Variants in AAK1 observed in about 807,000 individuals in gnomAD.
AAK1 encodes the protein AP2 associated kinase 1, also known as AP2-associated protein kinase 1.
Under a neutral mutation model 116.0 loss-of-function variants are expected in AAK1, and 37 were observed. The observed-to-expected ratio is 0.32, with a 90% CI of 0.25 to 0.42. The LOEUF (loss-of-function observed/expected upper bound fraction) is 0.42, where lower values mean the gene tolerates loss of function less well. Among genes scored for constraint, AAK1 ranks in the 10% least tolerant of loss-of-function variants. AAK1 has a pLI of 1.00. For missense variants in AAK1, 919 were observed against 1,170.6 expected (o/e 0.79, Z 3.14); for synonymous variants, 458 against 439.9 (o/e 1.04, Z -0.51).
At position 69,559,469 on chromosome 2, in the gene AAK1, T is replaced by C. The variant is rs1011720021; in HGVS notation, c.164-2491A>G. 5.3e-5 allele frequency among the ~76,000 whole-genome samples: 8 copies of C among 152,278 alleles called. No individual in the cohort carries two copies. The East Asian group carries it at 9.6e-4, about 18-fold the overall frequency. ...GATGTTCTCTTATAATTAATCAGAATTGAGGAAAATAGTAGTGTAAATTAC... is the reference window on the plus strand; with the variant it reads ...GATGTTCTCTTATAATTAATCAGAACTGAGGAAAATAGTAGTGTAAATTAC... On this transcript the variant is annotated intron_variant, in intron 2 of 21. Transcript: ENST00000409085.
At chr2:69,589,447 G>A (rs1672931784) in intron 2 of AAK1, among the ~76,000 whole-genome samples, 2 of 152,098 alleles carry the variant, frequency 1.3e-5, no homozygotes, top group South Asian at 4.2e-4. Context: ...AGTGGCTCAT[G>A]CCTGTAATCC....
At chr2:69,566,328 G>T (rs1164547142) in intron 2 of AAK1, among the ~76,000 whole-genome samples, 1 of 152,156 alleles carries the variant, frequency 6.6e-6, no homozygotes, top group East Asian at 1.9e-4. Context: ...GTGGGGGCTT[G>T]GGGTTTGTTT....
intron 2 of AAK1, among the ~76,000 whole-genome samples, chr2:69,605,786 C>T (rs1239140228): frequency 1.3e-5 from 2 of 152,190 alleles, no homozygotes; most frequent in Non-Finnish European, 1.5e-5. Context: ...TCTTTATAGT[C>T]ATCCTCCGCT....
chr2:69,623,277 C>T (rs948866185), intron 2 of AAK1, among the ~76,000 whole-genome samples: 4 of 152,150 alleles, frequency 2.6e-5, no homozygotes, highest in African/African-American at 4.8e-5. Context: ...CGAGGGTCCG[C>T]GGCTTCATTC....
In AAK1 at chr2:69,519,006, T is replaced by C; in HGVS notation, c.1445A>G (p.Gln482Arg). ...GTAAAACGTGCCTGCCGGCTGCTGC[T>C]GTGCTGGCGGTGGCTGTTGCTGCTG... is the stretch of plus-strand genomic sequence containing the variant. ...QQQQQQPPPA[Q>R]QQPAGTFYQQ... The change falls in exon 12 of 22, where the codon CAG becomes CGG. Residue 482 changes from glutamine (Q) to arginine (R), a missense_variant. Gln to Arg is a conservative substitution (Grantham distance 43). This residue lies in a region of AAK1 where 214 missense variants were observed against 210.6 expected (regional missense o/e 1.02). Coordinates refer to ENST00000409085, the MANE Select transcript of AAK1 (RefSeq NM_014911.5). 6.5e-7 allele frequency: 1 copy of C among 1,549,874 alleles called. No individual in the cohort carries two copies. Among genetic ancestry groups the C allele is most frequent in the Non-Finnish European group, 8.7e-7 (1 of 1,146,440 alleles).
In AAK1 at chr2:69,544,457, T is replaced by C. The variant is rs189493029; in HGVS notation, c.370A>G (p.Ile124Val). The change falls in exon 4 of 22, where the codon ATT (isoleucine) becomes GTT (valine). Residue 124 changes from isoleucine to valine, a missense_variant. Around this residue, in one of 4 missense-constraint regions of AAK1, gnomAD observed 317 missense variants for 490.4 expected, o/e 0.65. Transcript: ENST00000409085. ...ATACCTCTACAAAAGTCCATCAGAA[T>C]GAGCACTTCCCATACATCACCGCTA... The part of the protein sequence containing the change: ...VSSGDVWEVL[I>V]LMDFCRGGQV... The C allele has an allele frequency of 9.5e-5, 154 of 1,613,040 alleles. No individual in the cohort carries two copies. The highest frequency in any genetic ancestry group is 1.2e-4 in the Non-Finnish European group (146 of 1,179,082).
In AAK1 at chr2:69,488,194, C is replaced by T. The variant is rs78619954; in HGVS notation, c.2366-5382G>A. ...TGTGTGTGTGTTTGAGGGAGGGGAA[C>T]AAAAGTTGAATAACTATTGGGTACT... On this transcript the variant is annotated intron_variant, in intron 17 of 21. Transcript: ENST00000409085. Among the ~76,000 whole-genome samples, 1,178 of 140,270 alleles carry T rather than the reference C, an allele frequency of 8.4e-3. 22 individuals carry two copies. The highest frequency in any genetic ancestry group is 0.032 in the African/African-American group (1,124 of 34,826). 92.0% of individuals were successfully genotyped at this position (140,270 alleles called of 152,430 possible). A position where few individuals can be genotyped will look rare whatever the true frequency, so the allele number is the denominator to read the frequency against.
At chr2:69,485,250 T>C (rs967695312) in intron 17 of AAK1, among the ~76,000 whole-genome samples, 3 of 152,208 alleles carry the variant, frequency 2.0e-5, no homozygotes, top group African/African-American at 7.2e-5. Context: ...CCAAAATTAC[T>C]TGCTTGTCTT....
At chr2:69,605,249 G>A (rs1673748744) in intron 2 of AAK1, among the ~76,000 whole-genome samples, 1 of 152,030 alleles carries the variant, frequency 6.6e-6, no homozygotes, top group Non-Finnish European at 1.5e-5. Context: ...CTTAAAACTT[G>A]TTTCCTCCAT....
chr2:69,499,178 G>A (rs1482597231), intron 16 of AAK1, among the ~76,000 whole-genome samples: 1 of 152,110 alleles, frequency 6.6e-6, no homozygotes, highest in Non-Finnish European at 1.5e-5. Flanking sequence ...TGGGATGGAA[G>A]GTCACCTCCA....
intron 16 of AAK1, among the ~76,000 whole-genome samples, chr2:69,499,635 T>C (rs949116019): frequency 1.3e-5 from 2 of 152,186 alleles, no homozygotes; most frequent in African/African-American, 4.8e-5. Context: ...GTTATTAAAG[T>C]GGGTTTTAAA....
rs1674462825 is a variant in AAK1 at position 69,465,664 on chromosome 2, C to T, written c.*10205G>A. 1 of 1,290,922 alleles carries T rather than the reference C, an allele frequency of 7.7e-7. No individual in the cohort carries two copies. The highest frequency in any genetic ancestry group is 2.3e-5 in the Admixed American group (1 of 43,562). 80.0% of individuals were successfully genotyped at this position (1,290,922 alleles called of 1,614,324 possible). A position where few individuals can be genotyped will look rare whatever the true frequency, so the allele number is the denominator to read the frequency against. On this transcript the variant is annotated 3_prime_UTR_variant, in exon 22 of 22. Transcript: ENST00000409085. ...GACTGGGGGCGGAATGGTTTGCCAG[C>T]CATGGGGCCTGAGACAGCTTCTTTC...
At chr2:69,481,125 G>T in intron 18 of AAK1, 164 bp from the exon 19 acceptor site, 1 of 558,338 alleles carries the variant, frequency 1.8e-6, no homozygotes, top group Non-Finnish European at 3.1e-6. Context: ...GCCTCCCAAA[G>T]TCCTGTGGTT....
intron 5 of AAK1, among the ~76,000 whole-genome samples, chr2:69,539,174 G>A (rs181020130): frequency 1.3e-5 from 2 of 152,354 alleles, no homozygotes; most frequent in Non-Finnish European, 2.9e-5. Flanking sequence ...CTGGAAAGGA[G>A]GAGCTGGGGA....
Position 69,531,640 on chromosome 2 carries a change from G to A in AAK1, c.656+401C>T, listed in dbSNP as rs1196346939. 6.1e-6 allele frequency: 6 copies of A among 991,506 alleles called. No homozygotes were observed. In the East Asian group the frequency reaches 4.3e-4, roughly 71 times the overall value. The allele number at this position is 991,506 out of a possible 1,614,324, so 61.4% of individuals were successfully genotyped here. A position where few individuals can be genotyped will look rare whatever the true frequency, so the allele number is the denominator to read the frequency against. ...AGATCGCCTTATGAGCAGGAAGAAA[G>A]GAGCAATTTAGGGTTCAGTAAAAAG... On this transcript the variant is annotated intron_variant, in intron 6 of 21. Transcript: ENST00000409085.
chr2:69,538,742 C>T (rs1363803316), intron 5 of AAK1, among the ~76,000 whole-genome samples: 2 of 152,206 alleles, frequency 1.3e-5, no homozygotes, highest in East Asian at 1.9e-4. Flanking sequence ...ATTAGCCACG[C>T]GTGGTGGCGG....
chr2:69,472,420 G>A lies in AAK1; in HGVS notation c.*3449C>T, dbSNP rs1674710641. 1 of 258,634 alleles carries A rather than the reference G, an allele frequency of 3.9e-6. No individual in the cohort carries two copies. Among genetic ancestry groups the A allele is most frequent in the East Asian group, 1.8e-4 (1 of 5,608 alleles). 16.0% of individuals were successfully genotyped at this position (258,634 alleles called of 1,614,324 possible). ...TCCTTGATATTATTTCTAAGGAGAG[G>A]AGTTTCAAAAATAACTTTAAGGATG... On this transcript the variant is annotated 3_prime_UTR_variant, in exon 22 of 22. Coordinates refer to ENST00000409085, the MANE Select transcript of AAK1 (RefSeq NM_014911.5).
chr2:69,570,263 T>C lies in AAK1; in HGVS notation c.164-13285A>G, dbSNP rs543026863. ...TTCTCAGGAGGTTCACACATGCTGT[T>C]TCCTCTGCCTGGAATATCCTGTCTC... On this transcript the variant is annotated intron_variant, in intron 2 of 21. Coordinates refer to ENST00000409085, the MANE Select transcript of AAK1 (RefSeq NM_014911.5). Among the ~76,000 whole-genome samples the C allele has an allele frequency of 9.2e-5, 14 of 151,862 alleles. 1 individual carries two copies. In the South Asian group the frequency reaches 2.9e-3, roughly 32 times the overall value.
rs1674522519 is a variant in AAK1, at chr2:69,467,344, A to G, written c.*8525T>C. 1.0e-6 allele frequency: 1 copy of G among 985,330 alleles called. No homozygotes were observed. Among genetic ancestry groups the G allele is most frequent in the African/African-American group, 1.7e-5 (1 of 57,244 alleles). 61.0% of individuals were successfully genotyped at this position (985,330 alleles called of 1,614,324 possible). Reference sequence around the variant, plus strand: ...CCAATATACTAGTCTATTTCTATCTAGGTAGAGGTGCCTCAGGGTGCTCTG... The same window carrying G: ...CCAATATACTAGTCTATTTCTATCTGGGTAGAGGTGCCTCAGGGTGCTCTG... On this transcript the variant is annotated 3_prime_UTR_variant, in exon 22 of 22. Transcript: ENST00000409085.
Sources: allele counts gnomAD v4.1 joint callset (sites outside exome capture counted in the v4.1 genomes callset), GRCh38; gene constraint gnomAD v4.1.1; regional missense constraint gnomAD v4.1.1; transcripts MANE v1.5; gene names NCBI Gene and HGNC (gene_info 2026-07-23, HGNC 2026-07-21).